Variants in PCDHA13 observed in about 807,000 individuals in gnomAD.
The protein encoded by PCDHA13 is protocadherin alpha-13.
PCDHA13 carries 54 observed loss-of-function variants against 64.8 expected under a neutral mutation model. The ratio of observed to expected loss-of-function variants is 0.83; its 90% CI spans 0.67 to 1.04. The LOEUF is 1.04. Among genes scored for constraint, PCDHA13 ranks in the 50% least tolerant of loss-of-function variants. The pLI, the probability that PCDHA13 is intolerant of heterozygous loss-of-function variation, is 0.00. For synonymous variants in PCDHA13, 587 were observed against 564.4 expected, an observed-to-expected ratio of 1.04 and a Z score of -0.57; for missense variants, 1,248 against 1,254.3, an observed-to-expected ratio of 0.99 and a Z score of 0.08.
At chr5:140,992,999 C>G (rs1254110475) in intron 3 of PCDHA13, among the ~76,000 whole-genome samples, 4 of 152,188 alleles carry the variant, frequency 2.6e-5, no homozygotes, top group African/African-American at 9.7e-5. Flanking sequence ...CATGAAAGAG[C>G]CTCCCCAGAG....
At chr5:140,892,945 T>C (rs1554185456) in intron 1 of PCDHA13, among the ~76,000 whole-genome samples, 3 of 152,336 alleles carry the variant, frequency 2.0e-5, no homozygotes, top group South Asian at 2.1e-4. Flanking sequence ...AGCACAATAC[T>C]ACTTCCATGA....
chr5:140,953,778 A>G (rs782648195), intron 1 of PCDHA13, among the ~76,000 whole-genome samples: 1 of 151,986 alleles, frequency 6.6e-6, no homozygotes, highest in Non-Finnish European at 1.5e-5. Flanking sequence ...ATATTTATTT[A>G]TTTTTTTCTT....
At chr5:140,979,078 A>G (rs2240296) in intron 2 of PCDHA13, 71 bp downstream of exon 2, 2 of 1,583,496 alleles carry the variant, frequency 1.3e-6, no homozygotes, top group East Asian at 4.5e-5. Flanking sequence ...CTGCATCTCC[A>G]TAGGCCAGAA....
At chr5:140,981,939 A>G (rs765176340) in intron 2 of PCDHA13, among the ~76,000 whole-genome samples, 1 of 152,180 alleles carries the variant, frequency 6.6e-6, no homozygotes, top group Non-Finnish European at 1.5e-5. Context: ...CTCAGGAAAT[A>G]TAGGGTGGGT....
chr5:140,937,229 G>A (rs2091424119), intron 1 of PCDHA13, among the ~76,000 whole-genome samples: 1 of 151,784 alleles, frequency 6.6e-6, no homozygotes, highest in Non-Finnish European at 1.5e-5. Flanking sequence ...TGTAGAGACG[G>A]GGTTTCACCG....
At chr5:140,951,403 G>A (rs62384504) in intron 1 of PCDHA13, among the ~76,000 whole-genome samples, 5,903 of 152,130 alleles carry the variant, frequency 0.039, 173 homozygotes, top group Non-Finnish European at 0.058. Flanking sequence ...AAGAAAAGAG[G>A]TTTAATTGGC....
intron 3 of PCDHA13, among the ~76,000 whole-genome samples, chr5:141,007,295 A>G (rs181235064): frequency 1.6e-3 from 250 of 151,912 alleles, no homozygotes; most frequent in Non-Finnish European, 2.9e-3. Context: ...TCATGCCTGT[A>G]ATCTTAGCAT....
At chr5:140,894,793 T>C (rs1269028222) in intron 1 of PCDHA13, among the ~76,000 whole-genome samples, 2 of 152,170 alleles carry the variant, frequency 1.3e-5, no homozygotes, top group Non-Finnish European at 2.9e-5. Flanking sequence ...TGTCCTCTCC[T>C]TTAAAAATAA....
intron 3 of PCDHA13, among the ~76,000 whole-genome samples, chr5:140,983,419 A>G (rs1209385386): frequency 5.3e-5 from 8 of 152,210 alleles, no homozygotes; most frequent in Non-Finnish European, 1.2e-4. Flanking sequence ...GTGTTGGTAG[A>G]GACCACAAAT....
At chr5:140,940,599 C>T (rs1356432549) in intron 1 of PCDHA13, among the ~76,000 whole-genome samples, 2 of 151,918 alleles carry the variant, frequency 1.3e-5, no homozygotes, top group African/African-American at 4.8e-5. Context: ...AGGCATGAGC[C>T]GCTGCTCCTG....
At chr5:140,993,107 A>G (rs2097540621) in intron 3 of PCDHA13, among the ~76,000 whole-genome samples, 1 of 152,218 alleles carries the variant, frequency 6.6e-6, no homozygotes, top group South Asian at 2.1e-4. Context: ...TTCAGCGGTC[A>G]GTGTCACATC....
In PCDHA13 at chr5:140,892,541, T is replaced by G. The variant is rs192378744; in HGVS notation, c.2394+7879T>G. Among the ~76,000 whole-genome samples, 3 of 152,250 alleles carry G rather than the reference T, an allele frequency of 2.0e-5. 1 individual carries two copies. The highest frequency in any genetic ancestry group is 7.2e-5 in the African/African-American group (3 of 41,464). ...CTGGTAGACTCAGGATTCTGACTTT[T>G]GTTTCTCTAGTCCTTGGAGACTGTC... On this transcript the variant is annotated intron_variant, in intron 1 of 3. Transcript: ENST00000289272.
At chr5:140,983,470 A>G (rs782117929) in intron 3 of PCDHA13, among the ~76,000 whole-genome samples, 16 of 152,224 alleles carry the variant, frequency 1.1e-4, no homozygotes, top group Non-Finnish European at 1.5e-4. Context: ...CATCATGATG[A>G]TAATAGTAGT....
intron 1 of PCDHA13, among the ~76,000 whole-genome samples, chr5:140,938,899 A>G (rs1175857132): frequency 1.3e-5 from 2 of 152,000 alleles, no homozygotes; most frequent in African/African-American, 2.4e-5. Context: ...ACAGATGCGC[A>G]CACACACACA....
Position 140,895,372 on chromosome 5 carries a change from T to C in PCDHA13, c.2394+10710T>C, listed in dbSNP as rs112463980. Among the ~76,000 whole-genome samples, 883 of 152,294 alleles carry C rather than the reference T, an allele frequency of 5.8e-3. 7 individuals carry two copies. The highest frequency in any genetic ancestry group is 0.021 in the African/African-American group (855 of 41,558). On this transcript the variant is annotated intron_variant, in intron 1 of 3. Coordinates refer to ENST00000289272, the MANE Select transcript of PCDHA13 (RefSeq NM_018904.3). The stretch of plus-strand genomic sequence containing the variant: ...CCAGTGAGTACTTATTGGCACTTTT[T>C]GGAGTTCTTCAATTCTCAACACCAT...
chr5:140,984,138 G>A (rs1476039645), intron 3 of PCDHA13, among the ~76,000 whole-genome samples: 1 of 152,194 alleles, frequency 6.6e-6, no homozygotes, highest in East Asian at 1.9e-4. Flanking sequence ...GGATGTGGAG[G>A]CATCTGGGAA....
chr5:140,887,349 G>A (rs1311370450), intron 1 of PCDHA13, among the ~76,000 whole-genome samples: 2 of 152,084 alleles, frequency 1.3e-5, no homozygotes, highest in Non-Finnish European at 2.9e-5. Flanking sequence ...ACCTGGCTCG[G>A]CCTCCCAAAG....
chr5:140,958,873 A>G (rs1554223676), intron 1 of PCDHA13, among the ~76,000 whole-genome samples: 1 of 152,100 alleles, frequency 6.6e-6, no homozygotes, highest in East Asian at 1.9e-4. Context: ...TTTATAAAAG[A>G]ATTGACCAGT....
intron 1 of PCDHA13, among the ~76,000 whole-genome samples, chr5:140,896,733 C>T (rs920661983): frequency 2.0e-5 from 3 of 151,970 alleles, no homozygotes; most frequent in Non-Finnish European, 2.9e-5. Flanking sequence ...TGTTTAAGTT[C>T]CTTATAGATT....
Sources: gnomAD v4.1 joint callset for allele counts (sites outside exome capture counted in the v4.1 genomes callset) on GRCh38, gnomAD v4.1.1 for gene constraint, MANE v1.5 for transcripts, NCBI Gene and HGNC (gene_info 2026-07-23, HGNC 2026-07-21) for gene names.